Variants in ROR2 observed in about 807,000 individuals in gnomAD.
ROR2 encodes the protein tyrosine-protein kinase transmembrane receptor ROR2.
In ROR2, 33 loss-of-function variants were observed where a neutral mutation model predicts 74.9. The ratio of observed to expected loss-of-function variants is 0.44; its 90% CI spans 0.33 to 0.59. The LOEUF is 0.59. ROR2 is among the 20% of genes least tolerant of loss of function. ROR2 has a pLI of 0.02. For synonymous variants in ROR2, 586 were observed against 558.7 expected (o/e 1.05, Z -0.69); for missense variants, 1,216 against 1,313.8 (o/e 0.93, Z 1.15).
chr9:91,827,314 A>AT lies in ROR2; in HGVS notation c.98-51497dup, dbSNP rs890688590. ...TACATTTTGAAGGTTTTGCTATATC[A>AT]TTTTTTTTTAATGTGACTTTTAAAA... On this transcript the variant is annotated intron_variant, in intron 1 of 8. Coordinates refer to ENST00000375708, the MANE Select transcript of ROR2 (RefSeq NM_004560.4). Among the ~76,000 whole-genome samples, 461 of 150,638 alleles carry AT rather than the reference A, an allele frequency of 3.1e-3. 4 individuals are homozygous for AT. The highest frequency in any genetic ancestry group is 9.9e-3 in the African/African-American group (408 of 41,122).
In ROR2 at chr9:91,724,687, T is replaced by C. The variant is rs1015455693; in HGVS notation, c.1807A>G (p.Met603Val). Reference sequence around the variant, plus strand: ...ACGTGGTGGCTGGATAGGTACTCCATCCCCGCCGCGATCTGTGCCACAAGG... The same window carrying C: ...ACGTGGTGGCTGGATAGGTACTCCACCCCCGCCGCGATCTGTGCCACAAGG... ...VHLVAQIAAG[M>V]EYLSSHHVVH... The change falls in exon 9 of 9, where the codon ATG becomes GTG. Residue 603 changes from methionine (M) to valine (V), a missense_variant. Transcript: ENST00000375708. 3 of 1,613,942 alleles carry C rather than the reference T, an allele frequency of 1.9e-6. No homozygotes were observed. Among genetic ancestry groups the C allele is most frequent in the African/African-American group, 1.3e-5 (1 of 74,914 alleles).
intron 4 of ROR2, among the ~76,000 whole-genome samples, chr9:91,748,765 G>A (rs1825510692): frequency 6.6e-6 from 1 of 152,250 alleles, no homozygotes; most frequent in South Asian, 2.1e-4. Flanking sequence ...GGGCCTGGTG[G>A]CTCACGCCTG....
intron 1 of ROR2, among the ~76,000 whole-genome samples, chr9:91,777,127 G>T (rs1202802720): frequency 6.6e-6 from 1 of 152,178 alleles, no homozygotes; most frequent in East Asian, 1.9e-4. Context: ...GAGAAACTAA[G>T]ACACCACTTA....
At chr9:91,895,614 C>T (rs564257285) in intron 1 of ROR2, among the ~76,000 whole-genome samples, 1 of 152,270 alleles carries the variant, frequency 6.6e-6, no homozygotes, top group East Asian at 1.9e-4. Flanking sequence ...GAGGCTGAGG[C>T]GGGCGGATCA....
At chr9:91,940,995 C>CTTTTTTTTTTT (rs11321454) in intron 1 of ROR2, among the ~76,000 whole-genome samples, 1 of 110,742 alleles carries the variant, frequency 9.0e-6, no homozygotes. Context: ...ATTTTTAATT[C>CTTTTTTTTTTT]TTTTTTTTTT....
chr9:91,821,177 G>T (rs1828128162), intron 1 of ROR2, among the ~76,000 whole-genome samples: 1 of 151,732 alleles, frequency 6.6e-6, no homozygotes, highest in Admixed American at 6.6e-5. Context: ...ACAGGGAGAA[G>T]ACAGCATCTG....
chr9:91,773,330 T>G (rs1373735698), intron 2 of ROR2, among the ~76,000 whole-genome samples: 1 of 152,080 alleles, frequency 6.6e-6, no homozygotes. Flanking sequence ...CCCCCTCAAC[T>G]GCATCCTCTG....
At chr9:91,767,079 G>A (rs1289596672) in intron 2 of ROR2, among the ~76,000 whole-genome samples, 1 of 142,642 alleles carries the variant, frequency 7.0e-6, no homozygotes, top group African/African-American at 3.0e-5. Context: ...AATGACTTAC[G>A]GTTTTTTTTT....
intron 1 of ROR2, among the ~76,000 whole-genome samples, chr9:91,853,444 T>C (rs373837719): frequency 2.0e-4 from 31 of 152,200 alleles, no homozygotes; most frequent in African/African-American, 5.5e-4. Context: ...TGGCTCCACA[T>C]AGATGGCCTT....
chr9:91,771,510 G>A (rs1215350350), intron 2 of ROR2, among the ~76,000 whole-genome samples: 1 of 152,212 alleles, frequency 6.6e-6, no homozygotes, highest in Non-Finnish European at 1.5e-5. Context: ...CGAAGACAAA[G>A]CTCTGTTAAA....
intron 1 of ROR2, among the ~76,000 whole-genome samples, chr9:91,821,436 C>A (rs1828135844): frequency 6.6e-6 from 1 of 152,204 alleles, no homozygotes; most frequent in South Asian, 2.1e-4. Flanking sequence ...TGTCTGTACC[C>A]TTCCTGGTGG....
intron 1 of ROR2, among the ~76,000 whole-genome samples, chr9:91,927,659 G>C (rs2117924133): frequency 6.8e-6 from 1 of 147,782 alleles, no homozygotes; most frequent in African/African-American, 2.5e-5. Flanking sequence ...CACCTCCCAG[G>C]TTCAAGCAAT....
At chr9:91,941,777 C>T (rs1436898989) in intron 1 of ROR2, among the ~76,000 whole-genome samples, 1 of 150,698 alleles carries the variant, frequency 6.6e-6, no homozygotes, top group African/African-American at 2.4e-5. Flanking sequence ...CCCTGCCCTC[C>T]TTTCTCTTCT....
Position 91,723,495 on chromosome 9 carries a change from G to T in ROR2, c.*167C>A. The stretch of plus-strand genomic sequence containing the variant: ...GCTCCTAGGCAGGGCAGCTCTCTGT[G>T]TCAGAGGACAGAGAGGAGCAGGGCT... On this transcript the variant is annotated 3_prime_UTR_variant, in exon 9 of 9. Coordinates refer to ENST00000375708, the MANE Select transcript of ROR2 (RefSeq NM_004560.4). The T allele has an allele frequency of 9.0e-7, 1 of 1,112,654 alleles. No homozygotes were observed. The highest frequency in any genetic ancestry group is 1.3e-6 in the Non-Finnish European group (1 of 785,470). 68.9% of individuals were successfully genotyped at this position (1,112,654 alleles called of 1,614,324 possible).
At chr9:91,796,588 C>T (rs1827178246) in intron 1 of ROR2, among the ~76,000 whole-genome samples, 1 of 152,208 alleles carries the variant, frequency 6.6e-6, no homozygotes, top group Non-Finnish European at 1.5e-5. Context: ...TGTGACTAAG[C>T]TATGCCTGGG....
chr9:91,733,154 C>A lies in ROR2; in HGVS notation c.905G>T (p.Arg302Leu). The stretch of plus-strand genomic sequence containing the variant: ...CAGCCTCTCGGCTGGGATGCCAATG[C>A]GCATGCAGTTGGCAGCGTCGGGGCT... ...PESPDAANCM[R>L]IGIPAERLGR... The change falls in exon 6 of 9, where the codon CGC becomes CTC. Residue 302 changes from arginine (R) to leucine (L), a missense_variant. Physicochemically the swap from Arg to Leu is moderately radical, Grantham distance 102 (BLOSUM62 -2). Coordinates refer to ENST00000375708, the MANE Select transcript of ROR2 (RefSeq NM_004560.4). This position sits in a 1 kb window ranked among gnomAD's most constrained non-coding sequence, Gnocchi z 5.7. 1 of 1,602,842 alleles carries A rather than the reference C, an allele frequency of 6.2e-7. No individual in the cohort carries two copies. The highest frequency in any genetic ancestry group is 8.5e-7 in the Non-Finnish European group (1 of 1,176,434).
At chr9:91,854,925 A>G (rs548228268) in intron 1 of ROR2, among the ~76,000 whole-genome samples, 1 of 152,322 alleles carries the variant, frequency 6.6e-6, no homozygotes, top group South Asian at 2.1e-4. Flanking sequence ...TAATCCATCA[A>G]TTAGAATAAT....
chr9:91,804,505 C>A (rs538408361), intron 1 of ROR2, among the ~76,000 whole-genome samples: 1 of 152,310 alleles, frequency 6.6e-6, no homozygotes, highest in East Asian at 1.9e-4. Context: ...CTGCGGCCGT[C>A]CTTGGAGACT....
intron 1 of ROR2, among the ~76,000 whole-genome samples, chr9:91,828,422 A>G (rs1335017576): frequency 6.6e-6 from 1 of 152,358 alleles, no homozygotes; most frequent in Admixed American, 6.5e-5. Flanking sequence ...GCTTTAATGT[A>G]CATATTCTCG....
Sources: allele counts gnomAD v4.1 joint callset (sites outside exome capture counted in the v4.1 genomes callset), GRCh38; gene constraint gnomAD v4.1.1; non-coding constraint Gnocchi (gnomAD v3.1); transcripts MANE v1.5; gene names NCBI Gene and HGNC (gene_info 2026-07-23, HGNC 2026-07-21).